The following BTRC variants were observed in gnomAD, a reference collection of about 807,000 sequenced individuals.
The protein encoded by BTRC is F-box/WD repeat-containing protein 1A.
BTRC carries 42 observed loss-of-function variants against 85.5 expected under a neutral mutation model. That is an observed-to-expected ratio of 0.49 (90% confidence interval 0.38 to 0.64). BTRC has a LOEUF of 0.64. BTRC is among the 30% of genes least tolerant of loss of function. The pLI, the probability that BTRC is intolerant of heterozygous loss-of-function variation, is 0.00. For missense variants in BTRC, 594 were observed against 743.5 expected, an observed-to-expected ratio of 0.80 and a Z score of 2.34; for synonymous variants, 255 against 263.3, an observed-to-expected ratio of 0.97 and a Z score of 0.30.
rs1020755308 is a variant in BTRC, at chr10:101,555,571, T to G, written c.*2448T>G. On this transcript the variant is annotated 3_prime_UTR_variant, in exon 15 of 15. Transcript: ENST00000370187. ...CTCTGGGGGTCATTTACCAGTTTGT[T>G]GTAGAAGAAATAATCAGGTAAGTTA... 2 of 152,590 alleles carry G rather than the reference T, an allele frequency of 1.3e-5. No homozygotes were observed. The highest frequency in any genetic ancestry group is 2.9e-5 in the Non-Finnish European group (2 of 68,048). The allele number at this position is 152,590 out of a possible 1,614,324, so 9.5% of individuals were successfully genotyped here.
At chr10:101,410,618 A>C (rs1038727339) in intron 1 of BTRC, among the ~76,000 whole-genome samples, 12 of 152,042 alleles carry the variant, frequency 7.9e-5, no homozygotes, top group South Asian at 2.1e-4. Flanking sequence ...TGTCTTGGAC[A>C]AAAAAAAGGA....
At chr10:101,387,209 A>T (rs1325603485) in intron 1 of BTRC, among the ~76,000 whole-genome samples, 1 of 151,824 alleles carries the variant, frequency 6.6e-6, no homozygotes, top group East Asian at 1.9e-4. Context: ...ATTCATATTA[A>T]AAATTTAACA....
chr10:101,508,033 G>A (rs985532056), intron 4 of BTRC, among the ~76,000 whole-genome samples: 1 of 152,064 alleles, frequency 6.6e-6, no homozygotes, highest in Non-Finnish European at 1.5e-5. Flanking sequence ...TTGCATGAGG[G>A]GGCCAATAAA....
chr10:101,368,516 G>C (rs1942541041), intron 1 of BTRC, among the ~76,000 whole-genome samples: 1 of 107,292 alleles, frequency 9.3e-6, no homozygotes, highest in South Asian at 3.3e-4. Flanking sequence ...GTCTCACTCT[G>C]TTGCCCAGGC....
chr10:101,534,213 C>T (rs959065590), intron 9 of BTRC, among the ~76,000 whole-genome samples: 8 of 152,056 alleles, frequency 5.3e-5, no homozygotes, highest in Admixed American at 5.2e-4. Flanking sequence ...GGCCTTTGAC[C>T]TTTATGATAA....
intron 5 of BTRC, among the ~76,000 whole-genome samples, chr10:101,524,604 C>G (rs1375789967): frequency 1.3e-5 from 2 of 152,052 alleles, no homozygotes; most frequent in Non-Finnish European, 2.9e-5. Context: ...CTTCCAAAGA[C>G]TTATTTATAG....
intron 2 of BTRC, among the ~76,000 whole-genome samples, chr10:101,452,328 T>G (rs940890258): frequency 6.6e-6 from 1 of 152,226 alleles, no homozygotes; most frequent in African/African-American, 2.4e-5. Context: ...TTTATATTGC[T>G]TTAACAGTGT....
At chr10:101,453,057 A>G (rs985199783) in intron 2 of BTRC, among the ~76,000 whole-genome samples, 2 of 152,188 alleles carry the variant, frequency 1.3e-5, no homozygotes, top group African/African-American at 4.8e-5. Flanking sequence ...GATTTTGTCC[A>G]TGTAGCTAAA....
intron 7 of BTRC, 124 bp downstream of exon 7, chr10:101,531,457 G>T: frequency 1.4e-6 from 1 of 721,306 alleles, no homozygotes; most frequent in Non-Finnish European, 2.2e-6. Flanking sequence ...CAATCTCTTA[G>T]CTGGCCATGG....
chr10:101,364,595 A>G (rs1942309541), intron 1 of BTRC, among the ~76,000 whole-genome samples: 1 of 152,222 alleles, frequency 6.6e-6, no homozygotes, highest in Non-Finnish European at 1.5e-5. Flanking sequence ...CTTTCACTGA[A>G]AAGTCATAGA....
At chr10:101,509,503 C>T (rs1946638760) in intron 4 of BTRC, among the ~76,000 whole-genome samples, 2 of 149,542 alleles carry the variant, frequency 1.3e-5, no homozygotes, top group South Asian at 2.1e-4. Flanking sequence ...ATCCGCCCGC[C>T]TCGGCCTCCC....
At chr10:101,376,971 A>C (rs1799497556) in intron 1 of BTRC, among the ~76,000 whole-genome samples, 1 of 152,084 alleles carries the variant, frequency 6.6e-6, no homozygotes, top group South Asian at 2.1e-4. Context: ...GATTTTTCTT[A>C]ATGTACACAG....
intron 4 of BTRC, among the ~76,000 whole-genome samples, chr10:101,518,919 G>GT (rs1564821040): frequency 6.6e-6 from 1 of 152,102 alleles, no homozygotes. Flanking sequence ...AAAACAATAC[G>GT]TATTTATTAA....
At chr10:101,487,529 G>A (rs1159831199) in intron 4 of BTRC, among the ~76,000 whole-genome samples, 1 of 152,222 alleles carries the variant, frequency 6.6e-6, no homozygotes, top group African/African-American at 2.4e-5. Context: ...TTGACAGTGA[G>A]CTGTGTGCGT....
At chr10:101,413,335 A>G (rs1205884596) in intron 1 of BTRC, among the ~76,000 whole-genome samples, 2 of 151,162 alleles carry the variant, frequency 1.3e-5, no homozygotes, top group Admixed American at 1.3e-4. Flanking sequence ...TGTTTTTTTG[A>G]CAGAGTCTCG....
rs917507758 is a variant in BTRC, at chr10:101,555,669, A to T, written c.*2546A>T. 1 of 152,670 alleles carries T rather than the reference A, an allele frequency of 6.6e-6. No homozygotes were observed. Among genetic ancestry groups the T allele is most frequent in the African/African-American group, 2.4e-5 (1 of 41,456 alleles). 9.5% of individuals were successfully genotyped at this position (152,670 alleles called of 1,614,324 possible). The stretch of plus-strand genomic sequence containing the variant: ...ATTTCAGTGGGAATTGATTATCACT[A>T]ATCCCCAACTGGGCTAGAATAAATG... On this transcript the variant is annotated 3_prime_UTR_variant, in exon 15 of 15. Coordinates refer to ENST00000370187, the MANE Select transcript of BTRC (RefSeq NM_033637.4).
intron 1 of BTRC, among the ~76,000 whole-genome samples, chr10:101,402,742 G>A (rs917294980): frequency 6.6e-6 from 1 of 152,174 alleles, no homozygotes; most frequent in Non-Finnish European, 1.5e-5. Context: ...TTGGTTTGAG[G>A]ACAAGTCTGT....
At chr10:101,384,322 T>G (rs1943011976) in intron 1 of BTRC, among the ~76,000 whole-genome samples, 6 of 152,236 alleles carry the variant, frequency 3.9e-5, no homozygotes. Flanking sequence ...TAATATTTGC[T>G]TCCCAGGCTA....
intron 13 of BTRC, among the ~76,000 whole-genome samples, chr10:101,547,575 A>G (rs1431865468): frequency 1.3e-5 from 2 of 151,846 alleles, no homozygotes; most frequent in African/African-American, 2.4e-5. Context: ...TCCGGACCTC[A>G]TGATCCACCT....
Sources: gnomAD v4.1 joint callset for allele counts (sites outside exome capture counted in the v4.1 genomes callset) on GRCh38, gnomAD v4.1.1 for gene constraint, MANE v1.5 for transcripts, NCBI Gene and HGNC (gene_info 2026-07-23, HGNC 2026-07-21) for gene names.